EYS: variants seen among roughly 807,000 people sequenced by gnomAD.
EYS encodes the protein EGF-like photoreceptor maintenance factor, also known as protein eyes shut homolog.
Under a neutral mutation model 282.1 loss-of-function variants are expected in EYS, and 250 were observed. The observed-to-expected ratio is 0.89, with a 90% CI of 0.80 to 0.98. The LOEUF (loss-of-function observed/expected upper bound fraction) is 0.98, where lower values mean the gene tolerates loss of function less well. Ranked by LOEUF, EYS falls within the 50% of genes least tolerant of loss-of-function variation. The pLI is 0.00. For missense variants in EYS, 4,016 were observed against 3,709.0 expected (o/e 1.08, Z -2.15); for synonymous variants, 1,355 against 1,282.9 (o/e 1.06, Z -1.20).
In EYS at chr6:65,688,913, T is replaced by G. The variant is rs549341423; in HGVS notation, c.-448+18222A>C. On this transcript the variant is annotated intron_variant, in intron 1 of 42. Transcript: ENST00000503581. ...GGATGTGGAGAAATAGGAACACTTT[T>G]ACACTGTTGGTGGGACTGTAAACTA... Among the ~76,000 whole-genome samples, 600 of 151,838 alleles carry G rather than the reference T, an allele frequency of 4.0e-3. 2 individuals are homozygous for G. The highest frequency in any genetic ancestry group is 0.013 in the African/African-American group (557 of 41,470).
At chr6:65,605,423 G>T (rs1028836820) in intron 2 of EYS, among the ~76,000 whole-genome samples, 10 of 151,790 alleles carry the variant, frequency 6.6e-5, no homozygotes, top group African/African-American at 2.4e-4. Context: ...GAGTGTGAGG[G>T]TGTTGAGAAT....
chr6:63,970,463 G>A (rs568449834), intron 35 of EYS, among the ~76,000 whole-genome samples: 5 of 152,060 alleles, frequency 3.3e-5, no homozygotes, highest in Admixed American at 2.0e-4. Context: ...GTGAAACTCT[G>A]TCTCTACTAA....
chr6:65,423,602 C>T (rs1272204466), intron 5 of EYS, among the ~76,000 whole-genome samples: 1 of 151,914 alleles, frequency 6.6e-6, no homozygotes, highest in Non-Finnish European at 1.5e-5. Context: ...TACAGAACCA[C>T]ACATTATAAA....
intron 26 of EYS, among the ~76,000 whole-genome samples, chr6:64,531,579 T>TTTTATTTTATTTTA (rs1764340297): frequency 6.7e-6 from 1 of 149,054 alleles, no homozygotes; most frequent in Non-Finnish European, 1.5e-5. Flanking sequence ...TTTTATTTTA[T>TTTTATTTTATTTTA]TTTATTTTAT....
At chr6:65,333,518 G>A (rs1231691736) in intron 11 of EYS, among the ~76,000 whole-genome samples, 1 of 151,478 alleles carries the variant, frequency 6.6e-6, no homozygotes, top group Admixed American at 6.6e-5. Flanking sequence ...GCTGTTGTTG[G>A]GTAATGTGTT....
At chr6:64,796,319 G>A (rs549048610) in intron 22 of EYS, among the ~76,000 whole-genome samples, 1 of 152,228 alleles carries the variant, frequency 6.6e-6, no homozygotes, top group South Asian at 2.1e-4. Flanking sequence ...GATGAAAGGG[G>A]TTGTAGAATA....
chr6:65,607,527 G>A (rs887505588), intron 2 of EYS, among the ~76,000 whole-genome samples: 14 of 151,472 alleles, frequency 9.2e-5, no homozygotes, highest in African/African-American at 2.7e-4. Flanking sequence ...TATAAGAGTC[G>A]CCCTATGATA....
intron 13 of EYS, among the ~76,000 whole-genome samples, chr6:64,998,181 C>G (rs903823471): frequency 1.3e-5 from 2 of 152,040 alleles, no homozygotes; most frequent in Non-Finnish European, 2.9e-5. Context: ...CTACTTAAGC[C>G]TTAGTTAAAA....
At chr6:63,783,906 T>A (rs1307765187) in intron 39 of EYS, among the ~76,000 whole-genome samples, 1 of 152,022 alleles carries the variant, frequency 6.6e-6, no homozygotes, top group African/African-American at 2.4e-5. Flanking sequence ...TAGGATGAGA[T>A]TAACACTTGA....
intron 22 of EYS, among the ~76,000 whole-genome samples, chr6:64,689,598 A>T (rs1770294745): frequency 6.6e-6 from 1 of 152,288 alleles, no homozygotes; most frequent in Non-Finnish European, 1.5e-5. Context: ...TACAGTAACC[A>T]AAACAGCATG....
intron 22 of EYS, among the ~76,000 whole-genome samples, chr6:64,658,798 G>A (rs531899034): frequency 6.6e-6 from 1 of 152,168 alleles, no homozygotes; most frequent in East Asian, 1.9e-4. Flanking sequence ...CTACTTGGGG[G>A]TCACCCCACT....
chr6:65,372,145 A>C (rs1765182120), intron 8 of EYS, among the ~76,000 whole-genome samples: 1 of 152,000 alleles, frequency 6.6e-6, no homozygotes, highest in African/African-American at 2.4e-5. Context: ...AAAAAAAATA[A>C]GATAAAACAT....
chr6:64,739,063 CT>C (rs1772282144), intron 22 of EYS, among the ~76,000 whole-genome samples: 1 of 152,158 alleles, frequency 6.6e-6, no homozygotes, highest in Non-Finnish European at 1.5e-5. Context: ...TTTAACAGTA[CT>C]TTTTTCTTCC....
intron 12 of EYS, among the ~76,000 whole-genome samples, chr6:65,123,750 C>CA (rs1561978164): frequency 2.8e-5 from 4 of 140,776 alleles, no homozygotes; most frequent in African/African-American, 1.2e-4. Flanking sequence ...CTTATAACAC[C>CA]CACCCACCCA....
intron 1 of EYS, among the ~76,000 whole-genome samples, chr6:65,663,748 C>T (rs1475981351): frequency 6.6e-6 from 1 of 152,160 alleles, no homozygotes; most frequent in Non-Finnish European, 1.5e-5. Flanking sequence ...GTGGCACGAT[C>T]TCAGCTCACT....
intron 40 of EYS, among the ~76,000 whole-genome samples, chr6:63,768,767 C>A (rs1290305379): frequency 6.6e-6 from 1 of 152,060 alleles, no homozygotes; most frequent in Non-Finnish European, 1.5e-5. Context: ...AAGACATATG[C>A]ATTTGTATGT....
intron 2 of EYS, among the ~76,000 whole-genome samples, chr6:65,503,372 C>T (rs1766532654): frequency 6.6e-6 from 1 of 151,596 alleles, no homozygotes; most frequent in Non-Finnish European, 1.5e-5. Flanking sequence ...AATCCTTTAT[C>T]AGATATGTGT....
At chr6:65,017,248 T>C (rs1772085593) in intron 13 of EYS, among the ~76,000 whole-genome samples, 1 of 152,196 alleles carries the variant, frequency 6.6e-6, no homozygotes, top group Non-Finnish European at 1.5e-5. Context: ...ACAAATATTG[T>C]CATAAATTGG....
At chr6:64,795,803 G>T (rs749077196) in intron 22 of EYS, among the ~76,000 whole-genome samples, 5 of 152,078 alleles carry the variant, frequency 3.3e-5, no homozygotes, top group African/African-American at 4.8e-5. Context: ...AATTTGATTT[G>T]GAGAAAAATA....
Sources: allele counts gnomAD v4.1 joint callset (sites outside exome capture counted in the v4.1 genomes callset), GRCh38; gene constraint gnomAD v4.1.1; transcripts MANE v1.5; gene names NCBI Gene and HGNC (gene_info 2026-07-23, HGNC 2026-07-21).